Variants in MINDY4B observed in about 807,000 individuals in gnomAD.
MINDY4B encodes the protein MINDY family member 4B, also known as inactive ubiquitin carboxyl-terminal hydrolase MINDY-4B.
Under a neutral mutation model 16.7 loss-of-function variants are expected in MINDY4B, and 25 were observed. That is an observed-to-expected ratio of 1.49 (90% CI 1.09 to 2.09). The LOEUF is 2.09. Ranked by LOEUF, MINDY4B falls within the 30% of genes most tolerant of loss-of-function variation. The pLI, the probability that MINDY4B is intolerant of heterozygous loss-of-function variation, is 0.00. For synonymous variants in MINDY4B, 132 were observed against 61.9 expected, an observed-to-expected ratio of 2.13 and a Z score of -5.32; for missense variants, 327 against 168.4, an observed-to-expected ratio of 1.94 and a Z score of -5.21.
chr3:150,879,443 T>C (rs770426892), intron 10 of MINDY4B, among the ~76,000 whole-genome samples: 3 of 152,080 alleles, frequency 2.0e-5, no homozygotes, highest in African/African-American at 4.8e-5. Context: ...ACTTCAAAAT[T>C]TCAGTGCTGC....
chr3:150,882,748 T>C (rs1576610937), intron 10 of MINDY4B, 149 bp downstream of exon 10: 1 of 424,270 alleles, frequency 2.4e-6, no homozygotes, highest in East Asian at 3.5e-5. Context: ...GAAATTTCCC[T>C]GAATGTCTGT....
intron 6 of MINDY4B, 41 bp downstream of exon 6, chr3:150,890,897 A>G (rs1216409900): frequency 2.9e-6 from 2 of 696,830 alleles, no homozygotes; most frequent in Middle Eastern, 2.3e-4. Context: ...CTCAGGCTTC[A>G]CTGGCCTTTC....
intron 3 of MINDY4B, among the ~76,000 whole-genome samples, chr3:150,898,620 G>T (rs946216849): frequency 3.9e-5 from 6 of 152,184 alleles, no homozygotes; most frequent in Admixed American, 6.5e-5. Context: ...GATGGTAAAT[G>T]GTCCTCATAA....
intron 10 of MINDY4B, among the ~76,000 whole-genome samples, chr3:150,882,369 A>C (rs917189471): frequency 3.3e-5 from 5 of 152,000 alleles, no homozygotes; most frequent in Admixed American, 2.0e-4. Context: ...TTTTGACAGG[A>C]GTTTCAAACG....
chr3:150,873,769 G>A (rs766278915), intron 10 of MINDY4B, among the ~76,000 whole-genome samples: 1 of 152,096 alleles, frequency 6.6e-6, no homozygotes, highest in Non-Finnish European at 1.5e-5. Flanking sequence ...CCAAGATAAG[G>A]CAATAATTCA....
chr3:150,888,062 G>T (rs1012711017), intron 7 of MINDY4B, among the ~76,000 whole-genome samples: 1 of 152,008 alleles, frequency 6.6e-6, no homozygotes, highest in Non-Finnish European at 1.5e-5. Context: ...AGCCGAGATC[G>T]CACCACTGTA....
chr3:150,875,743 C>T (rs1711496322), intron 10 of MINDY4B, among the ~76,000 whole-genome samples: 2 of 152,078 alleles, frequency 1.3e-5, no homozygotes, highest in South Asian at 4.1e-4. Context: ...CCTTGCTTGC[C>T]CTGAGAGATT....
At chr3:150,880,305 C>CTGTG (rs60659488) in intron 10 of MINDY4B, among the ~76,000 whole-genome samples, 2,695 of 149,854 alleles carry the variant, frequency 0.018, 67 homozygotes, top group African/African-American at 0.058. Context: ...AGGTTCCCAT[C>CTGTG]TGTGTGTGTG....
intron 10 of MINDY4B, among the ~76,000 whole-genome samples, chr3:150,878,303 G>A (rs538586358): frequency 5.9e-5 from 9 of 152,196 alleles, no homozygotes; most frequent in East Asian, 1.9e-4. Context: ...CCTGTATAAT[G>A]AGCTGATATG....
intron 5 of MINDY4B, among the ~76,000 whole-genome samples, chr3:150,892,806 A>G (rs1711850251): frequency 6.6e-6 from 1 of 151,614 alleles, no homozygotes; most frequent in South Asian, 2.1e-4. Flanking sequence ...AATACAAAAA[A>G]TTAGCCGGGT....
At chr3:150,877,924 A>G (rs1711499257) in intron 10 of MINDY4B, among the ~76,000 whole-genome samples, 1 of 152,186 alleles carries the variant, frequency 6.6e-6, no homozygotes, top group South Asian at 2.1e-4. Context: ...AAAGATGATA[A>G]TGGCAGGCAG....
chr3:150,885,142 C>A (rs1167949547), intron 8 of MINDY4B, among the ~76,000 whole-genome samples: 1 of 152,176 alleles, frequency 6.6e-6, no homozygotes, highest in African/African-American at 2.4e-5. Flanking sequence ...AAGGAGGAAC[C>A]TACTAGGGTA....
At chr3:150,892,022 T>C (rs1051145861) in intron 5 of MINDY4B, among the ~76,000 whole-genome samples, 6 of 152,216 alleles carry the variant, frequency 3.9e-5, no homozygotes, top group African/African-American at 1.4e-4. Flanking sequence ...TCCATTTGAA[T>C]TCCCTGTGAT....
chr3:150,887,792 A>G (rs1220927852), intron 7 of MINDY4B, among the ~76,000 whole-genome samples: 2 of 152,216 alleles, frequency 1.3e-5, no homozygotes, highest in Non-Finnish European at 2.9e-5. Context: ...TTGGGAAGCT[A>G]GAAGTCTGAA....
chr3:150,874,683 T>C (rs1717051767), intron 10 of MINDY4B, among the ~76,000 whole-genome samples: 1 of 152,110 alleles, frequency 6.6e-6, no homozygotes, highest in Non-Finnish European at 1.5e-5. Flanking sequence ...GTCCTCAGAG[T>C]TGTACTGTTT....
intron 5 of MINDY4B, among the ~76,000 whole-genome samples, chr3:150,892,387 G>A (rs959263557): frequency 7.2e-5 from 11 of 152,252 alleles, no homozygotes; most frequent in South Asian, 2.1e-4. Context: ...AATCACTTGC[G>A]TCAAGAATCC....
rs1441359715 is a variant in MINDY4B, at chr3:150,875,617, A to G, written c.1060-2250T>C. On this transcript the variant is annotated intron_variant, in intron 10 of 11. Transcript: ENST00000465419. ...AGCAATACAACAGTTTTCTTTCCTG[A>G]GCTCAAAGCTACTCAAGATTTTGTT... is the stretch of plus-strand genomic sequence containing the variant. Among the ~76,000 whole-genome samples, 11 of 152,280 alleles carry G rather than the reference A, an allele frequency of 7.2e-5. No homozygotes were observed. The East Asian group carries it at 2.1e-3, about 29-fold the overall frequency.
intron 10 of MINDY4B, among the ~76,000 whole-genome samples, chr3:150,878,044 C>T (rs1176005990): frequency 1.3e-5 from 2 of 152,010 alleles, no homozygotes; most frequent in Non-Finnish European, 2.9e-5. Context: ...CCATACCTTT[C>T]TTATCTCTAA....
intron 2 of MINDY4B, among the ~76,000 whole-genome samples, chr3:150,903,647 C>A (rs577583114): frequency 5.9e-5 from 9 of 152,180 alleles, no homozygotes; most frequent in Non-Finnish European, 1.2e-4. Flanking sequence ...TTAAATGTAA[C>A]TATGGAAACA....
Sources: gnomAD v4.1 joint callset for allele counts (sites outside exome capture counted in the v4.1 genomes callset) on GRCh38, gnomAD v4.1.1 for gene constraint, MANE v1.5 for transcripts, NCBI Gene and HGNC (gene_info 2026-07-23, HGNC 2026-07-21) for gene names.